Variants in PEPD observed in about 807,000 individuals in gnomAD.
The protein encoded by PEPD is xaa-Pro dipeptidase.
A neutral mutation model predicts 60.7 loss-of-function variants in PEPD; 53 were observed. That is an observed-to-expected ratio of 0.87 (90% CI 0.70 to 1.10). The LOEUF is 1.10. Among genes scored for constraint, PEPD ranks in the 50% least tolerant of loss-of-function variants. The probability of loss-of-function intolerance (pLI) is 0.00; values close to 1 mark genes in which losing one functional copy is unlikely to be tolerated. For synonymous variants in PEPD, 267 were observed against 284.1 expected (o/e 0.94, Z 0.60); for missense variants, 711 against 711.9 (o/e 1.00, Z 0.01).
chr19:33,493,380 A>T (rs1970537714), intron 4 of PEPD, 43 bp from the exon 5 acceptor site: 1 of 1,350,328 alleles, frequency 7.4e-7, no homozygotes, highest in Non-Finnish European at 1.1e-6. Flanking sequence ...GGCACCACTA[A>T]GCCTAATGAA....
At chr19:33,407,189 AG>A (rs770827993) in intron 11 of PEPD, among the ~76,000 whole-genome samples, 3 of 152,204 alleles carry the variant, frequency 2.0e-5, no homozygotes, top group Non-Finnish European at 2.9e-5. Context: ...GGGAGGCAGG[AG>A]GAGTGTCCCA....
intron 11 of PEPD, among the ~76,000 whole-genome samples, chr19:33,406,261 G>T (rs8104917): frequency 0.061 from 9,275 of 152,312 alleles, 858 homozygotes; most frequent in African/African-American, 0.2. Context: ...TGTTCAAACT[G>T]TGGGTCATGA....
intron 13 of PEPD, among the ~76,000 whole-genome samples, chr19:33,390,969 C>T (rs772366189): frequency 6.6e-6 from 1 of 152,152 alleles, no homozygotes; most frequent in African/African-American, 2.4e-5. Context: ...TCACGAAGAC[C>T]TGTCCTTAGC....
chr19:33,490,093 C>T lies in PEPD; in HGVS notation c.442-36G>A, dbSNP rs563319249. 6.5e-5 allele frequency: 97 copies of T among 1,495,428 alleles called. No individual in the cohort carries two copies. In the African/African-American group the frequency reaches 9.6e-4, roughly 15 times the overall value. 92.6% of individuals were successfully genotyped at this position (1,495,428 alleles called of 1,614,324 possible). A position where few individuals can be genotyped will look rare whatever the true frequency, so the allele number is the denominator to read the frequency against. The stretch of plus-strand genomic sequence containing the variant: ...AGAACACAGACATGACACACGGGGC[C>T]GCATGGCGCCCCCACAGCCTGCACC... On this transcript the variant is annotated intron_variant, in intron 5 of 14. Transcript: ENST00000244137.
At chr19:33,477,818 A>C (rs1970246578) in intron 7 of PEPD, among the ~76,000 whole-genome samples, 1 of 152,222 alleles carries the variant, frequency 6.6e-6, no homozygotes, top group Non-Finnish European at 1.5e-5. Flanking sequence ...ATTGCAAATA[A>C]GGGAAATAAG....
intron 12 of PEPD, among the ~76,000 whole-genome samples, chr19:33,393,806 C>G (rs1462395256): frequency 6.6e-6 from 1 of 152,274 alleles, no homozygotes; most frequent in African/African-American, 2.4e-5. Flanking sequence ...CGCCCTTCCT[C>G]TCTGCTGCTG....
At chr19:33,453,321 T>TAAAA (rs1969733003) in intron 9 of PEPD, among the ~76,000 whole-genome samples, 1 of 122,000 alleles carries the variant, frequency 8.2e-6, no homozygotes, top group Non-Finnish European at 2.1e-5. Flanking sequence ...CATAAAAAAA[T>TAAAA]AAATAAATAA....
chr19:33,412,695 T>C (rs889158856), intron 10 of PEPD, among the ~76,000 whole-genome samples: 4 of 152,260 alleles, frequency 2.6e-5, no homozygotes, highest in Non-Finnish European at 5.9e-5. Context: ...TTTCTCTCCA[T>C]CCACCAGAGA....
chr19:33,488,285 C>T (rs1290264622), intron 6 of PEPD, among the ~76,000 whole-genome samples: 1 of 152,234 alleles, frequency 6.6e-6, no homozygotes, highest in East Asian at 1.9e-4. Flanking sequence ...AGCTCTGTGC[C>T]AGGCTCCAGG....
chr19:33,428,668 A>G, intron 9 of PEPD, among the ~76,000 whole-genome samples: 1 of 152,172 alleles, frequency 6.6e-6, no homozygotes, highest in East Asian at 1.9e-4. Flanking sequence ...TCTGTAGGCA[A>G]GTCCCTCCCC....
chr19:33,419,940 C>T (rs183781166), intron 9 of PEPD, among the ~76,000 whole-genome samples: 128 of 152,322 alleles, frequency 8.4e-4, no homozygotes, highest in African/African-American at 2.9e-3. Flanking sequence ...AAGACAGCAG[C>T]GGTCACAGCA....
chr19:33,462,491 C>T (rs1268965212), intron 9 of PEPD, among the ~76,000 whole-genome samples: 10 of 152,234 alleles, frequency 6.6e-5, no homozygotes, highest in East Asian at 1.9e-4. Context: ...ACACCCGCCA[C>T]GGCTGGGCAG....
At chr19:33,422,637 C>T (rs201596784) in intron 9 of PEPD, among the ~76,000 whole-genome samples, 6 of 115,500 alleles carry the variant, frequency 5.2e-5, no homozygotes, top group Admixed American at 8.6e-5. Flanking sequence ...CATCTATCTA[C>T]CTACCTCCTA....
chr19:33,493,465 G>A (rs539089069), intron 4 of PEPD, 128 bp from the exon 5 acceptor site: 9 of 748,906 alleles, frequency 1.2e-5, no homozygotes, highest in Admixed American at 4.0e-5. Context: ...CGACGTGGGC[G>A]CTGCCCTCAC....
intron 2 of PEPD, chr19:33,511,524 C>T (rs952072512): frequency 1.2e-5 from 4 of 347,052 alleles, no homozygotes; most frequent in Non-Finnish European, 2.3e-5. Flanking sequence ...CGGATTCTGA[C>T]GCCCAGGCCG....
chr19:33,390,422 C>CTCT (rs749447261), intron 13 of PEPD, among the ~76,000 whole-genome samples: 71 of 152,352 alleles, frequency 4.7e-4, no homozygotes, highest in Middle Eastern at 3.4e-3. Context: ...AATAATGCTT[C>CTCT]TCTTAAGCAA....
chr19:33,517,954 C>CAAAA (rs74174669), intron 1 of PEPD, among the ~76,000 whole-genome samples: 1 of 119,668 alleles, frequency 8.4e-6, no homozygotes. Context: ...GACTCCCTCT[C>CAAAA]AAAAAAAAAA....
At chr19:33,457,813 A>G (rs188753476) in intron 9 of PEPD, among the ~76,000 whole-genome samples, 111 of 152,294 alleles carry the variant, frequency 7.3e-4, no homozygotes, top group Middle Eastern at 3.4e-3. Context: ...CCCAACACCC[A>G]ACCAGTTTCT....
intron 9 of PEPD, among the ~76,000 whole-genome samples, chr19:33,461,484 G>A (rs1324151540): frequency 6.6e-6 from 1 of 152,030 alleles, no homozygotes; most frequent in Non-Finnish European, 1.5e-5. Flanking sequence ...AGCCACCTTG[G>A]GAGCAGGACT....
Sources: gnomAD v4.1 joint callset for allele counts (sites outside exome capture counted in the v4.1 genomes callset) on GRCh38, gnomAD v4.1.1 for gene constraint, MANE v1.5 for transcripts, NCBI Gene and HGNC (gene_info 2026-07-23, HGNC 2026-07-21) for gene names.